The following PJA2 variants were observed in gnomAD, a reference collection of about 807,000 sequenced individuals.
The protein encoded by PJA2 is E3 ubiquitin-protein ligase Praja-2.
PJA2 carries 25 observed loss-of-function variants against 69.3 expected under a neutral mutation model. The ratio of observed to expected loss-of-function variants is 0.36; its 90% CI spans 0.26 to 0.50. The LOEUF (loss-of-function observed/expected upper bound fraction) is 0.50, where lower values mean the gene tolerates loss of function less well. Ranked by LOEUF, PJA2 falls within the 20% of genes least tolerant of loss-of-function variation. PJA2 has a pLI of 0.96. For synonymous variants in PJA2, 308 were observed against 277.8 expected (o/e 1.11, Z -1.08); for missense variants, 809 against 830.2 (o/e 0.97, Z 0.31).
chr5:109,367,016 C>G (rs759940749), intron 5 of PJA2, among the ~76,000 whole-genome samples: 2 of 151,642 alleles, frequency 1.3e-5, no homozygotes, highest in Non-Finnish European at 2.9e-5. Context: ...CCTGTACTCC[C>G]CGCTACTCAG....
At chr5:109,344,127 A>G in intron 9 of PJA2, 63 bp downstream of exon 9, 3 of 937,124 alleles carry the variant, frequency 3.2e-6, no homozygotes, top group Non-Finnish European at 3.0e-6. Flanking sequence ...AAAAGATACT[A>G]TTATTCACTT....
chr5:109,406,154 C>T (rs1450603044), intron 1 of PJA2, among the ~76,000 whole-genome samples: 6 of 150,930 alleles, frequency 4.0e-5, no homozygotes, highest in African/African-American at 1.5e-4. Flanking sequence ...CGCCATTATC[C>T]TAACTCAGCC....
intron 1 of PJA2, among the ~76,000 whole-genome samples, chr5:109,393,339 A>T (rs1747322910): frequency 6.6e-6 from 1 of 152,222 alleles, no homozygotes; most frequent in African/African-American, 2.4e-5. Flanking sequence ...GTTGGTGTGG[A>T]TGTTAAGCAA....
chr5:109,352,232 C>A (rs1257938081), intron 7 of PJA2, among the ~76,000 whole-genome samples: 7 of 152,182 alleles, frequency 4.6e-5, no homozygotes, highest in Non-Finnish European at 1.0e-4. Context: ...CATGACCTCT[C>A]AAGACCAGTC....
chr5:109,388,273 G>A lies in PJA2; in HGVS notation c.-87-4753C>T, dbSNP rs559989675. On this transcript the variant is annotated intron_variant, in intron 1 of 9. Transcript: ENST00000361189. ...AAATCCACAAAAACTAAGGTCTTCC[G>A]GCAACAGCCACATGGATGAGCAACC... 1.7e-3 allele frequency among the ~76,000 whole-genome samples: 265 copies of A among 152,162 alleles called. 1 individual carries two copies. The highest frequency in any genetic ancestry group is 5.9e-3 in the African/African-American group (245 of 41,502).
intron 1 of PJA2, among the ~76,000 whole-genome samples, chr5:109,394,307 C>T (rs577501757): frequency 2.4e-4 from 36 of 151,984 alleles, no homozygotes; most frequent in African/African-American, 8.5e-4. Context: ...CTCCGCCTCT[C>T]AAAGTGCTGG....
At chr5:109,396,106 A>C (rs1016328468) in intron 1 of PJA2, among the ~76,000 whole-genome samples, 12 of 152,148 alleles carry the variant, frequency 7.9e-5, no homozygotes, top group African/African-American at 2.9e-4. Context: ...AAAGTCTGAG[A>C]TATTAGCAAG....
At position 109,370,940 on chromosome 5, in the gene PJA2, A is replaced by G. The variant is rs186301623; in HGVS notation, c.1284-2194T>C. Among the ~76,000 whole-genome samples, 23 of 152,346 alleles carry G rather than the reference A, an allele frequency of 1.5e-4. No individual in the cohort carries two copies. The East Asian group carries it at 4.2e-3, about 28-fold the overall frequency. ...CCATATTAATCAAATAACTCATGGAATATCTCTAAACTTCAATACAAGAGG... is the reference window on the plus strand; with the variant it reads ...CCATATTAATCAAATAACTCATGGAGTATCTCTAAACTTCAATACAAGAGG... On this transcript the variant is annotated intron_variant, in intron 4 of 9. Coordinates refer to ENST00000361189, the MANE Select transcript of PJA2 (RefSeq NM_014819.5).
At chr5:109,379,534 T>C (rs1746990596) in intron 3 of PJA2, among the ~76,000 whole-genome samples, 1 of 152,230 alleles carries the variant, frequency 6.6e-6, no homozygotes, top group South Asian at 2.1e-4. Context: ...GCAAGACATA[T>C]AAAGGAGAAG....
intron 1 of PJA2, among the ~76,000 whole-genome samples, chr5:109,393,995 T>C (rs957997079): frequency 6.8e-6 from 1 of 148,018 alleles, no homozygotes; most frequent in Admixed American, 6.8e-5. Context: ...ACAAAAAGAA[T>C]AAGGTATTAT....
intron 1 of PJA2, among the ~76,000 whole-genome samples, chr5:109,405,196 CA>C (rs1373263587): frequency 1.3e-5 from 2 of 152,264 alleles, no homozygotes; most frequent in African/African-American, 4.8e-5. Context: ...ATAATGGTAT[CA>C]ATTATTAAAT....
chr5:109,373,397 A>G (rs1762709739), intron 4 of PJA2, among the ~76,000 whole-genome samples: 1 of 152,204 alleles, frequency 6.6e-6, no homozygotes, highest in Admixed American at 6.5e-5. Flanking sequence ...GAGGAAATTA[A>G]AAATACAAAT....
intron 4 of PJA2, among the ~76,000 whole-genome samples, chr5:109,377,562 G>A (rs1377393578): frequency 1.3e-5 from 2 of 152,104 alleles, no homozygotes; most frequent in Non-Finnish European, 1.5e-5. Flanking sequence ...ACAGTCTCTG[G>A]AATACCCAGT....
chr5:109,394,856 AT>A (rs1418153636), intron 1 of PJA2, among the ~76,000 whole-genome samples: 7 of 151,932 alleles, frequency 4.6e-5, no homozygotes, highest in African/African-American at 4.8e-5. Context: ...GCAGATAAAA[AT>A]TTTTTTTTAA....
chr5:109,374,012 T>C lies in PJA2; in HGVS notation c.1283+4192A>G, dbSNP rs114996705. On this transcript the variant is annotated intron_variant, in intron 4 of 9. Transcript: ENST00000361189. ...TCAACTACAGGAGCCTAGGAAAAAG[T>C]GAAATTTTAAATATTTTGTTATCTG... 4.5e-3 allele frequency among the ~76,000 whole-genome samples: 689 copies of C among 152,314 alleles called. 6 individuals carry two copies. The highest frequency in any genetic ancestry group is 0.014 in the African/African-American group (598 of 41,564).
At chr5:109,339,290 G>A (rs1761999356) in intron 9 of PJA2, among the ~76,000 whole-genome samples, 1 of 152,324 alleles carries the variant, frequency 6.6e-6, no homozygotes, top group African/African-American at 2.4e-5. Context: ...TTGGAAGAGT[G>A]AGGGGATAGG....
At chr5:109,405,812 C>A (rs768268115) in intron 1 of PJA2, among the ~76,000 whole-genome samples, 1 of 152,058 alleles carries the variant, frequency 6.6e-6, no homozygotes, top group Non-Finnish European at 1.5e-5. Flanking sequence ...TAAATCTGCA[C>A]AACTTTGCAT....
chr5:109,388,789 G>A (rs1747219106), intron 1 of PJA2, among the ~76,000 whole-genome samples: 1 of 152,010 alleles, frequency 6.6e-6, no homozygotes, highest in Admixed American at 6.6e-5. Context: ...TTACATATAT[G>A]CCTCCAAAAT....
chr5:109,377,021 T>G (rs572200908), intron 4 of PJA2, among the ~76,000 whole-genome samples: 1 of 152,234 alleles, frequency 6.6e-6, no homozygotes, highest in Middle Eastern at 3.4e-3. Context: ...ACTGTGGGCT[T>G]GAACTGAAAA....
Sources: allele counts gnomAD v4.1 joint callset (sites outside exome capture counted in the v4.1 genomes callset), GRCh38; gene constraint gnomAD v4.1.1; transcripts MANE v1.5; gene names NCBI Gene and HGNC (gene_info 2026-07-23, HGNC 2026-07-21).